Variants in CAMSAP2 observed in about 807,000 individuals in gnomAD.
CAMSAP2 encodes calmodulin regulated spectrin associated protein family member 2, also known as calmodulin-regulated spectrin-associated protein 2.
Under a neutral mutation model 146.1 loss-of-function variants are expected in CAMSAP2, and 26 were observed. That is an observed-to-expected ratio of 0.18 (90% CI 0.13 to 0.25). The LOEUF is 0.25. CAMSAP2 is among the 10% of genes least tolerant of loss of function. The probability of loss-of-function intolerance (pLI) is 1.00; values close to 1 mark genes in which losing one functional copy is unlikely to be tolerated. For synonymous variants in CAMSAP2, 499 were observed against 596.6 expected (o/e 0.84, Z 2.38); for missense variants, 1,381 against 1,759.3 (o/e 0.78, Z 3.85).
chr1:200,747,986 C>CAAA lies in CAMSAP2; in HGVS notation c.139+8037_139+8039dup, dbSNP rs901478330. ...TGGGCGACAGAGCGAGACTCCGTCT[C>CAAA]AAAAAAAAAAAAAAAAAAAGAAAAT... is the stretch of plus-strand genomic sequence containing the variant. On this transcript the variant is annotated intron_variant, in intron 1 of 16. Transcript: ENST00000358823. Among the ~76,000 whole-genome samples the CAAA allele has an allele frequency of 6.7e-4, 46 of 68,770 alleles. 1 individual carries two copies. The highest frequency in any genetic ancestry group is 1.1e-3 in the Non-Finnish European group (33 of 29,556). The allele number at this position is 68,770 out of a possible 152,430, so 45.1% of individuals were successfully genotyped here.
chr1:200,813,857 C>T (rs1009401047), intron 3 of CAMSAP2, among the ~76,000 whole-genome samples: 5 of 151,714 alleles, frequency 3.3e-5, no homozygotes, highest in South Asian at 2.1e-4. Context: ...CCAACACTTT[C>T]GGAGGCTGAG....
At chr1:200,745,416 A>G (rs929775627) in intron 1 of CAMSAP2, among the ~76,000 whole-genome samples, 1 of 152,184 alleles carries the variant, frequency 6.6e-6, no homozygotes, top group African/African-American at 2.4e-5. Context: ...GTTGAAGTAC[A>G]AATTAATTAT....
At chr1:200,808,668 A>G (rs896441112) in intron 3 of CAMSAP2, among the ~76,000 whole-genome samples, 4 of 152,202 alleles carry the variant, frequency 2.6e-5, no homozygotes, top group African/African-American at 9.6e-5. Context: ...ATTCATCTTG[A>G]GAAACTATGC....
At chr1:200,852,362 T>G (rs1251586507) in intron 11 of CAMSAP2, among the ~76,000 whole-genome samples, 179 bp from the exon 12 acceptor site, 1 of 152,218 alleles carries the variant, frequency 6.6e-6, no homozygotes, top group Non-Finnish European at 1.5e-5. Flanking sequence ...TTGATGGAAC[T>G]GTTACCACTG....
At chr1:200,776,919 G>T (rs889511816) in intron 2 of CAMSAP2, among the ~76,000 whole-genome samples, 1 of 152,170 alleles carries the variant, frequency 6.6e-6, no homozygotes, top group Admixed American at 6.5e-5. Flanking sequence ...GAAGGAGCTG[G>T]AATGGGGAGG....
chr1:200,812,077 T>A (rs1666346913), intron 3 of CAMSAP2, among the ~76,000 whole-genome samples: 1 of 152,206 alleles, frequency 6.6e-6, no homozygotes, highest in African/African-American at 2.4e-5. Flanking sequence ...ACCCTAACAC[T>A]CTACTTTTTT....
At chr1:200,759,341 G>A (rs910215894) in intron 1 of CAMSAP2, among the ~76,000 whole-genome samples, 5 of 149,022 alleles carry the variant, frequency 3.4e-5, no homozygotes, top group East Asian at 2.0e-4. Flanking sequence ...GTGCAATGGC[G>A]CGATCTCACT....
chr1:200,808,166 G>T (rs1385090300), intron 3 of CAMSAP2, among the ~76,000 whole-genome samples: 1 of 152,170 alleles, frequency 6.6e-6, no homozygotes, highest in Non-Finnish European at 1.5e-5. Context: ...TTCATTTCAA[G>T]AATGAAATAA....
intron 4 of CAMSAP2, among the ~76,000 whole-genome samples, chr1:200,824,781 C>G (rs1666862479): frequency 6.6e-6 from 1 of 152,128 alleles, no homozygotes. Flanking sequence ...AAGTTTGAGA[C>G]CAGCCTGGCC....
At chr1:200,839,173 A>G (rs529953823) in intron 6 of CAMSAP2, among the ~76,000 whole-genome samples, 14 of 152,354 alleles carry the variant, frequency 9.2e-5, no homozygotes, top group African/African-American at 3.1e-4. Context: ...CAGGAATATC[A>G]AATGCAGCTG....
chr1:200,744,610 A>G (rs541095916), intron 1 of CAMSAP2, among the ~76,000 whole-genome samples: 1 of 152,244 alleles, frequency 6.6e-6, no homozygotes, highest in Non-Finnish European at 1.5e-5. Context: ...TAAGAGTCAT[A>G]TAATTGGAAA....
intron 6 of CAMSAP2, among the ~76,000 whole-genome samples, chr1:200,839,630 C>T (rs536969118): frequency 2.2e-4 from 33 of 152,186 alleles, no homozygotes; most frequent in African/African-American, 7.7e-4. Flanking sequence ...TGTTCTCACT[C>T]ATAAGTGGGA....
chr1:200,754,866 GCCA>G lies in CAMSAP2; in HGVS notation c.140-5970_140-5968del, dbSNP rs370752319. ...CAAAGTGCTGGGATTACAGGCGTGA[GCCA>G]CCGCGCCTGGCCGAAAGAGCTTTTT... On this transcript the variant is annotated intron_variant, in intron 1 of 16. Transcript: ENST00000358823. Among the ~76,000 whole-genome samples the G allele has an allele frequency of 7.4e-3, 1,131 of 152,258 alleles. 12 individuals are homozygous for G. The highest frequency in any genetic ancestry group is 0.044 in the Middle Eastern group (13 of 294).
chr1:200,756,004 C>T (rs1664637794), intron 1 of CAMSAP2, among the ~76,000 whole-genome samples: 1 of 152,096 alleles, frequency 6.6e-6, no homozygotes, highest in Admixed American at 6.5e-5. Context: ...CTGAACCTGG[C>T]ATATTCTAGC....
intron 8 of CAMSAP2, 92 bp from the exon 9 acceptor site, chr1:200,847,118 A>T: frequency 2.4e-6 from 2 of 817,866 alleles, no homozygotes; most frequent in South Asian, 3.5e-5. Flanking sequence ...GTAGAATGAG[A>T]GGTGGTAGTG....
intron 2 of CAMSAP2, among the ~76,000 whole-genome samples, chr1:200,793,433 A>G (rs1360790494): frequency 6.6e-6 from 1 of 152,182 alleles, no homozygotes; most frequent in Non-Finnish European, 1.5e-5. Flanking sequence ...GTTACTAGGA[A>G]AAATGTTTAC....
At chr1:200,816,147 A>AG (rs2102167928) in intron 4 of CAMSAP2, among the ~76,000 whole-genome samples, 1 of 152,190 alleles carries the variant, frequency 6.6e-6, no homozygotes, top group African/African-American at 2.4e-5. Context: ...TACAAAAATT[A>AG]GCTGGGCATA....
chr1:200,848,212 G>A lies in CAMSAP2; in HGVS notation c.1443G>A (p.Glu481=), dbSNP rs778108832. The A allele has an allele frequency of 3.7e-6, 6 of 1,613,834 alleles. No individual in the cohort carries two copies. Among genetic ancestry groups the A allele is most frequent in the Non-Finnish European group, 5.1e-6 (6 of 1,179,858 alleles). ...NLSFKPINGE[E]EAESIEEELN... is the part of the protein sequence containing the mutation. ...CCTTCAAGCCAATAAATGGAGAAGA[G>A]GAAGCAGAGAGCATTGAAGAAGAAC... The change falls in exon 11 of 17, where the codon GAG becomes GAA. Residue 481 remains glutamate (E), a synonymous_variant. Coordinates refer to ENST00000358823, the MANE Select transcript of CAMSAP2 (RefSeq NM_203459.4).
Position 200,740,958 on chromosome 1 carries a change from T to G in CAMSAP2, c.139+992T>G, listed in dbSNP as rs189182063. Among the ~76,000 whole-genome samples the G allele has an allele frequency of 2.1e-4, 32 of 152,352 alleles. No individual in the cohort carries two copies. In the East Asian group the frequency reaches 6.0e-3, roughly 28 times the overall value. On this transcript the variant is annotated intron_variant, in intron 1 of 16. Coordinates refer to ENST00000358823, the MANE Select transcript of CAMSAP2 (RefSeq NM_203459.4). ...AAGTTTAGATATATGAAATATTTGT[T>G]GAAAAGTTCCCTAGTACTCACAAAT...
Sources: allele counts gnomAD v4.1 joint callset (sites outside exome capture counted in the v4.1 genomes callset), GRCh38; gene constraint gnomAD v4.1.1; transcripts MANE v1.5; gene names NCBI Gene and HGNC (gene_info 2026-07-23, HGNC 2026-07-21).